RBFOX1: variants seen among roughly 807,000 people sequenced by gnomAD.
The protein encoded by RBFOX1 is RNA binding protein fox-1 homolog 1.
A neutral mutation model predicts 57.7 loss-of-function variants in RBFOX1; 8 were observed. That is an observed-to-expected ratio of 0.14 (90% CI 0.08 to 0.25). The LOEUF is 0.25. RBFOX1 is among the 10% of genes least tolerant of loss of function. The pLI is 1.00. For synonymous variants in RBFOX1, 326 were observed against 222.4 expected (o/e 1.47, Z -4.15); for missense variants, 611 against 548.5 (o/e 1.11, Z -1.14).
intron 3 of RBFOX1, among the ~76,000 whole-genome samples, chr16:6,862,262 T>G (rs2059155101): frequency 6.6e-6 from 1 of 152,148 alleles, no homozygotes; most frequent in East Asian, 1.9e-4. Flanking sequence ...CTAGGCCACC[T>G]CCAGAGATTT....
At chr16:6,196,889 T>C (rs2097183371) in intron 1 of RBFOX1, among the ~76,000 whole-genome samples, 1 of 152,126 alleles carries the variant, frequency 6.6e-6, no homozygotes, top group African/African-American at 2.4e-5. Context: ...AGGTCATCTC[T>C]GTCCGCTGCC....
At chr16:6,628,581 A>C (rs1253792390) in intron 2 of RBFOX1, among the ~76,000 whole-genome samples, 1 of 152,168 alleles carries the variant, frequency 6.6e-6, no homozygotes, top group African/African-American at 2.4e-5. Flanking sequence ...TGCATTTCAA[A>C]GTGACTTGCA....
intron 3 of RBFOX1, among the ~76,000 whole-genome samples, chr16:5,770,904 G>A (rs1007806308): frequency 6.6e-6 from 1 of 152,154 alleles, no homozygotes; most frequent in African/African-American, 2.4e-5. Flanking sequence ...CCATCTTACT[G>A]GGTAAGCAAG....
At chr16:5,592,587 T>G (rs558716166) in intron 2 of RBFOX1, among the ~76,000 whole-genome samples, 1 of 152,128 alleles carries the variant, frequency 6.6e-6, no homozygotes, top group Non-Finnish European at 1.5e-5. Flanking sequence ...TGGCTAATTT[T>G]TGTATTTTAG....
At chr16:7,311,987 C>G (rs541652187) in intron 4 of RBFOX1, among the ~76,000 whole-genome samples, 1 of 152,252 alleles carries the variant, frequency 6.6e-6, no homozygotes, top group African/African-American at 2.4e-5. Context: ...TTAGAACAAC[C>G]ATTTCATACT....
intron 1 of RBFOX1, among the ~76,000 whole-genome samples, chr16:6,122,241 A>C (rs1238168950): frequency 6.6e-6 from 1 of 151,684 alleles, no homozygotes; most frequent in Non-Finnish European, 1.5e-5. Context: ...ATTTTCTTTT[A>C]ATTAACGTCC....
chr16:7,454,773 T>C (rs2058150893), intron 4 of RBFOX1, among the ~76,000 whole-genome samples: 1 of 152,242 alleles, frequency 6.6e-6, no homozygotes, highest in Non-Finnish European at 1.5e-5. Context: ...ATTGCCCATC[T>C]GTGTTTTCTT....
chr16:6,882,086 T>A (rs191992867), intron 3 of RBFOX1, among the ~76,000 whole-genome samples: 5 of 152,292 alleles, frequency 3.3e-5, no homozygotes, highest in African/African-American at 1.2e-4. Context: ...AGTGGCCCCC[T>A]ATTCCCTGCA....
chr16:5,247,166 A>G (rs915811429), intron 1 of RBFOX1, among the ~76,000 whole-genome samples: 28 of 152,176 alleles, frequency 1.8e-4, no homozygotes, highest in Admixed American at 7.9e-4. Flanking sequence ...AGTATAATGG[A>G]GGCCAGTTGG....
intron 3 of RBFOX1, among the ~76,000 whole-genome samples, chr16:5,775,509 T>C (rs192088868): frequency 2.4e-4 from 36 of 152,294 alleles, no homozygotes; most frequent in Admixed American, 1.8e-3. Context: ...CTATCACAAA[T>C]GATAAAAATT....
chr16:7,123,753 A>G (rs1189856110), intron 4 of RBFOX1, among the ~76,000 whole-genome samples: 1 of 152,178 alleles, frequency 6.6e-6, no homozygotes, highest in East Asian at 1.9e-4. Flanking sequence ...TTGTATGATG[A>G]TACTTTACAG....
intron 1 of RBFOX1, among the ~76,000 whole-genome samples, chr16:5,409,852 A>T (rs1373616867): frequency 6.6e-6 from 1 of 152,098 alleles, no homozygotes; most frequent in South Asian, 2.1e-4. Flanking sequence ...GTTCGAGACC[A>T]GCTTGGCCAA....
intron 2 of RBFOX1, among the ~76,000 whole-genome samples, chr16:6,411,874 C>T (rs916691658): frequency 2.0e-5 from 3 of 152,108 alleles, no homozygotes; most frequent in Non-Finnish European, 2.9e-5. Flanking sequence ...TGGCTCACGC[C>T]TGTAATCCCA....
intron 3 of RBFOX1, among the ~76,000 whole-genome samples, chr16:6,803,010 T>C (rs1047724031): frequency 5.9e-5 from 9 of 152,220 alleles, no homozygotes; most frequent in African/African-American, 2.2e-4. Context: ...GTCTTTTAGC[T>C]GCCTTGCTAC....
At chr16:7,434,135 C>T (rs929120389) in intron 4 of RBFOX1, among the ~76,000 whole-genome samples, 1 of 151,956 alleles carries the variant, frequency 6.6e-6, no homozygotes, top group African/African-American at 2.4e-5. Context: ...GTTTCATAAA[C>T]CAGGTAAGAG....
At chr16:6,567,276 T>G (rs1030502740) in intron 2 of RBFOX1, among the ~76,000 whole-genome samples, 1 of 152,188 alleles carries the variant, frequency 6.6e-6, no homozygotes, top group African/African-American at 2.4e-5. Context: ...TTCATCCCCT[T>G]TATCCTGTGA....
intron 3 of RBFOX1, among the ~76,000 whole-genome samples, chr16:6,931,232 A>G (rs1342448101): frequency 1.3e-5 from 2 of 151,588 alleles, no homozygotes; most frequent in African/African-American, 2.4e-5. Flanking sequence ...GATGGGAATT[A>G]AGGGGTTGTT....
chr16:5,901,868 A>G (rs886785752), intron 4 of RBFOX1, among the ~76,000 whole-genome samples: 2 of 152,022 alleles, frequency 1.3e-5, no homozygotes, highest in Non-Finnish European at 2.9e-5. Flanking sequence ...TCCTTCCCTC[A>G]ATCTGCCTAT....
intron 4 of RBFOX1, among the ~76,000 whole-genome samples, chr16:5,945,764 G>T (rs914575454): frequency 2.0e-5 from 3 of 152,170 alleles, no homozygotes; most frequent in African/African-American, 4.8e-5. Flanking sequence ...GATATTGCTG[G>T]ATGTAGGTGG....
Sources: gnomAD v4.1 joint callset for allele counts (sites outside exome capture counted in the v4.1 genomes callset) on GRCh38, gnomAD v4.1.1 for gene constraint, MANE v1.5 for transcripts, NCBI Gene and HGNC (gene_info 2026-07-23, HGNC 2026-07-21) for gene names.